SCD5: variants seen among roughly 807,000 people sequenced by gnomAD.
SCD5 encodes acyl-CoA-desaturase 4.
SCD5 carries 20 observed loss-of-function variants against 30.4 expected under a neutral mutation model. The observed-to-expected ratio is 0.66, with a 90% CI of 0.46 to 0.96. The LOEUF (loss-of-function observed/expected upper bound fraction) is 0.96, where lower values mean the gene tolerates loss of function less well. Ranked by LOEUF, SCD5 falls within the 40% of genes least tolerant of loss-of-function variation. The pLI is 0.00. For missense variants in SCD5, 381 were observed against 443.3 expected (o/e 0.86, Z 1.26); for synonymous variants, 173 against 176.4 (o/e 0.98, Z 0.16).
chr4:82,734,304 A>G (rs1411791405), intron 1 of SCD5, among the ~76,000 whole-genome samples: 2 of 152,170 alleles, frequency 1.3e-5, no homozygotes, highest in African/African-American at 2.4e-5. Flanking sequence ...AAACCAAACA[A>G]AACAATCCCA....
At chr4:82,726,818 TC>T (rs1720509885) in intron 1 of SCD5, among the ~76,000 whole-genome samples, 1 of 152,162 alleles carries the variant, frequency 6.6e-6, no homozygotes, top group Non-Finnish European at 1.5e-5. Context: ...CTTGGCATGC[TC>T]CCATCTCATA....
At chr4:82,719,757 C>T (rs76675252) in intron 1 of SCD5, among the ~76,000 whole-genome samples, 16,901 of 150,822 alleles carry the variant, frequency 0.11, 1,167 homozygotes, top group East Asian at 0.18. Context: ...CCCGCCTCGG[C>T]CTCCCAAAGT....
rs958843966 is a variant in SCD5, at chr4:82,630,526, T to C, written c.*801A>G. ...GCTCTCCTGAACTACACTGAAAGAATATTACTTTCCTTCATCCTGTCAGGG... is the reference window on the plus strand; with the variant it reads ...GCTCTCCTGAACTACACTGAAAGAACATTACTTTCCTTCATCCTGTCAGGG... On this transcript the variant is annotated 3_prime_UTR_variant, in exon 5 of 5. Coordinates refer to ENST00000319540, the MANE Select transcript of SCD5 (RefSeq NM_001037582.3). 1 of 152,236 alleles carries C rather than the reference T, an allele frequency of 6.6e-6. No homozygotes were observed. The highest frequency in any genetic ancestry group is 2.4e-5 in the African/African-American group (1 of 41,464). 9.4% of individuals were successfully genotyped at this position (152,236 alleles called of 1,614,324 possible). A position where few individuals can be genotyped will look rare whatever the true frequency, so the allele number is the denominator to read the frequency against.
intron 1 of SCD5, among the ~76,000 whole-genome samples, chr4:82,789,537 T>C (rs5026805): frequency 0.21 from 32,533 of 152,174 alleles, 3,847 homozygotes; most frequent in African/African-American, 0.31. Flanking sequence ...GCTGGCGGTC[T>C]GAGGACCACA....
chr4:82,721,050 C>T (rs1362991987), intron 1 of SCD5, among the ~76,000 whole-genome samples: 1 of 152,108 alleles, frequency 6.6e-6, no homozygotes, highest in Non-Finnish European at 1.5e-5. Context: ...GTTCCAGCTA[C>T]TCAGAGAGGC....
At chr4:82,740,726 A>G (rs1476160159) in intron 1 of SCD5, among the ~76,000 whole-genome samples, 3 of 152,126 alleles carry the variant, frequency 2.0e-5, no homozygotes, top group African/African-American at 7.2e-5. Context: ...CAACTTCTGA[A>G]TCTTTCTTTT....
At chr4:82,781,107 C>G (rs1721859596) in intron 1 of SCD5, among the ~76,000 whole-genome samples, 1 of 152,146 alleles carries the variant, frequency 6.6e-6, no homozygotes, top group South Asian at 2.1e-4. Flanking sequence ...GAGAATCATT[C>G]ACACTAAAAG....
rs1283801112 is a variant in SCD5 at position 82,735,688 on chromosome 4, A to T, written c.233-30275T>A. On this transcript the variant is annotated intron_variant, in intron 1 of 4. Coordinates refer to ENST00000319540, the MANE Select transcript of SCD5 (RefSeq NM_001037582.3). ...GACTGCTGTCACTCACCGATTCACC[A>T]AAGACTGGGTAAAAAATTATCTTAC... Among the ~76,000 whole-genome samples, 7 of 152,334 alleles carry T rather than the reference A, an allele frequency of 4.6e-5. No individual in the cohort carries two copies. In the East Asian group the frequency reaches 1.3e-3, roughly 29 times the overall value.
chr4:82,762,130 C>G (rs113180210), intron 1 of SCD5, among the ~76,000 whole-genome samples: 10,121 of 145,156 alleles, frequency 0.07, 743 homozygotes, highest in African/African-American at 0.18. Context: ...GCCAAGATCA[C>G]GCCACTGCAC....
chr4:82,683,131 G>C (rs1315854636), intron 2 of SCD5, among the ~76,000 whole-genome samples: 1 of 152,168 alleles, frequency 6.6e-6, no homozygotes, highest in Non-Finnish European at 1.5e-5. Flanking sequence ...AATATAAAGA[G>C]AGAAAACAGG....
At chr4:82,746,963 G>A (rs76786602) in intron 1 of SCD5, among the ~76,000 whole-genome samples, 28 of 23,234 alleles carry the variant, frequency 1.2e-3, no homozygotes, top group Admixed American at 6.0e-3. Flanking sequence ...GGCGTCAGGG[G>A]GAGAGGAGGA....
At chr4:82,710,378 A>G (rs1720056168) in intron 1 of SCD5, among the ~76,000 whole-genome samples, 1 of 152,172 alleles carries the variant, frequency 6.6e-6, no homozygotes, top group Non-Finnish European at 1.5e-5. Context: ...CCCTCGGATC[A>G]GGAGACAATG....
chr4:82,732,191 C>T (rs1175567144), intron 1 of SCD5, among the ~76,000 whole-genome samples: 1 of 152,050 alleles, frequency 6.6e-6, no homozygotes, highest in Non-Finnish European at 1.5e-5. Context: ...ACCTCTGCCT[C>T]CCGAGTTCAA....
intron 1 of SCD5, among the ~76,000 whole-genome samples, chr4:82,757,701 G>C (rs1337756037): frequency 1.3e-5 from 2 of 152,170 alleles, no homozygotes; most frequent in Non-Finnish European, 2.9e-5. Context: ...TTATCTTGTA[G>C]AGCCTCGTCT....
At chr4:82,719,210 C>G (rs1022312633) in intron 1 of SCD5, among the ~76,000 whole-genome samples, 4 of 151,798 alleles carry the variant, frequency 2.6e-5, no homozygotes, top group African/African-American at 9.7e-5. Flanking sequence ...TGCATGGCAA[C>G]TTTTTCCAGG....
In SCD5 at chr4:82,777,511, T is replaced by C. The variant is rs141144572; in HGVS notation, c.232+20795A>G. On this transcript the variant is annotated intron_variant, in intron 1 of 4. Transcript: ENST00000319540. ...GGATACACACAGGGTATACTATTTCTGGTCAAAGACAGCTTAATAGGTGTG... is the reference window on the plus strand; with the variant it reads ...GGATACACACAGGGTATACTATTTCCGGTCAAAGACAGCTTAATAGGTGTG... Among the ~76,000 whole-genome samples the C allele has an allele frequency of 9.4e-3, 1,431 of 152,318 alleles. 11 individuals carry two copies. The highest frequency in any genetic ancestry group is 0.034 in the Middle Eastern group (10 of 294).
chr4:82,671,280 C>T (rs1728316948), intron 3 of SCD5, among the ~76,000 whole-genome samples: 1 of 152,086 alleles, frequency 6.6e-6, no homozygotes, highest in African/African-American at 2.4e-5. Context: ...ATAGATGAAT[C>T]CATAATTATA....
chr4:82,674,646 C>A (rs1274659425), intron 3 of SCD5, among the ~76,000 whole-genome samples: 2 of 152,164 alleles, frequency 1.3e-5, no homozygotes, highest in African/African-American at 4.8e-5. Flanking sequence ...GAGTTGAAAA[C>A]CTATGTCCGC....
At chr4:82,786,629 T>C (rs78640115) in intron 1 of SCD5, among the ~76,000 whole-genome samples, 5,546 of 151,830 alleles carry the variant, frequency 0.037, 136 homozygotes, top group African/African-American at 0.06. Context: ...GTGAAACTAC[T>C]AAAAATATAA....
Sources: allele counts gnomAD v4.1 joint callset (sites outside exome capture counted in the v4.1 genomes callset), GRCh38; gene constraint gnomAD v4.1.1; transcripts MANE v1.5; gene names NCBI Gene and HGNC (gene_info 2026-07-23, HGNC 2026-07-21).